UGT1A5: variants seen among roughly 807,000 people sequenced by gnomAD.
The protein encoded by UGT1A5 is UDP-glucuronosyltransferase 1A5.
In UGT1A5, 29 loss-of-function variants were observed where a neutral mutation model predicts 40.3. The ratio of observed to expected loss-of-function variants is 0.72; its 90% CI spans 0.54 to 0.98. The LOEUF (loss-of-function observed/expected upper bound fraction) is 0.98. Ranked by LOEUF, UGT1A5 falls within the 50% of genes least tolerant of loss-of-function variation. The pLI is 0.00. For synonymous variants in UGT1A5, 257 were observed against 262.5 expected, an observed-to-expected ratio of 0.98 and a Z score of 0.20; for missense variants, 678 against 677.9, an observed-to-expected ratio of 1.00 and a Z score of 0.00.
chr2:233,767,983 AG>A (rs1699537799), intron 3 of UGT1A5, 47 bp downstream of exon 3: 1 of 1,614,082 alleles, frequency 6.2e-7, no homozygotes, highest in African/African-American at 1.3e-5. Context: ...GGTCAAATTA[AG>A]AAAATGGCTT....
chr2:233,770,182 A>T (rs778207496), intron 4 of UGT1A5: 1 of 152,262 alleles, frequency 6.6e-6, no homozygotes, highest in Non-Finnish European at 1.5e-5. Flanking sequence ...CAACTTATTA[A>T]CTAACTTTCA....
chr2:233,719,821 T>G (rs2076806401), intron 1 of UGT1A5: 5 of 1,570,050 alleles, frequency 3.2e-6, no homozygotes, highest in Middle Eastern at 4.6e-4. Flanking sequence ...ACAGATAAAC[T>G]GTTGAGGGGC....
Position 233,725,768 on chromosome 2 carries a change from T to C in UGT1A5, c.867+11910T>C, listed in dbSNP as rs1448370166. Among the ~76,000 whole-genome samples, 5 of 152,306 alleles carry C rather than the reference T, an allele frequency of 3.3e-5. No individual in the cohort carries two copies. The South Asian group carries it at 1.0e-3, about 32-fold the overall frequency. ...GTAAGAGACTTACATTTTCTTCACATAGTTTGTTGTTATCATTAAATAATA... is the reference window on the plus strand; with the variant it reads ...GTAAGAGACTTACATTTTCTTCACACAGTTTGTTGTTATCATTAAATAATA... On this transcript the variant is annotated intron_variant, in intron 1 of 4. Coordinates refer to ENST00000373414, the MANE Select transcript of UGT1A5 (RefSeq NM_019078.2).
rs144217005 is a variant in UGT1A5 at position 233,760,613 on chromosome 2, T to C, written c.868-6421T>C. The C allele has an allele frequency of 1.5e-4, 247 of 1,614,256 alleles. No individual in the cohort carries two copies. In the African/African-American group the frequency reaches 3.0e-3, roughly 20 times the overall value. On this transcript the variant is annotated intron_variant, in intron 1 of 4. Transcript: ENST00000373414. The stretch of plus-strand genomic sequence containing the variant: ...GAGAATGATTCTTTCCTGCAGCGTG[T>C]GATCAAAACATACAAGAAAATAAAA...
Position 233,729,252 on chromosome 2 carries a change from C to T in UGT1A5, c.867+15394C>T, listed in dbSNP as rs1553613077. ...TGCCCATTGATGGCAGCCACTGGCT[C>T]AGCATGCGGGAGGTCTTGCGGGAGC... On this transcript the variant is annotated intron_variant, in intron 1 of 4. Coordinates refer to ENST00000373414, the MANE Select transcript of UGT1A5 (RefSeq NM_019078.2). 65 of 1,614,244 alleles carry T rather than the reference C, an allele frequency of 4.0e-5. 3 individuals carry two copies. The South Asian group carries it at 6.7e-4, about 17-fold the overall frequency.
Position 233,713,643 on chromosome 2 carries a change from C to G in UGT1A5, c.652C>G (p.Leu218Val), listed in dbSNP as rs149715967. Residue 218 changes from leucine to valine, a missense_variant, in exon 1 of 5, where the codon CTG becomes GTG. By Grantham distance (32) the Leu-to-Val change is conservative. Transcript: ENST00000373414. ...LQRVKNMLYP[L>V]ALSYLCHAVS... ...AAGGGTCAAGAACATGCTCTACCCTCTGGCCCTGTCCTACCTTTGCCATGC... is the reference window on the plus strand; with the variant it reads ...AAGGGTCAAGAACATGCTCTACCCTGTGGCCCTGTCCTACCTTTGCCATGC... 717 of 1,613,992 alleles carry G rather than the reference C, an allele frequency of 4.4e-4. 2 individuals are homozygous for G. The highest frequency in any genetic ancestry group is 1.7e-3 in the South Asian group (154 of 91,058).
intron 1 of UGT1A5, among the ~76,000 whole-genome samples, chr2:233,744,367 A>T (rs2125862571): frequency 6.6e-6 from 1 of 151,892 alleles, no homozygotes; most frequent in Non-Finnish European, 1.5e-5. Flanking sequence ...GTTGTTTAGG[A>T]CTGCAGTTCT....
chr2:233,716,179 G>A (rs1395274719), intron 1 of UGT1A5, among the ~76,000 whole-genome samples: 1 of 152,128 alleles, frequency 6.6e-6, no homozygotes, highest in Non-Finnish European at 1.5e-5. Flanking sequence ...GCATCTTCAA[G>A]TCTCTAATTC....
At chr2:233,749,145 C>G (rs1694125909) in intron 1 of UGT1A5, among the ~76,000 whole-genome samples, 1 of 151,818 alleles carries the variant, frequency 6.6e-6, no homozygotes, top group Non-Finnish European at 1.5e-5. Context: ...TATGAACTTC[C>G]ATGACTTGAT....
Position 233,756,099 on chromosome 2 carries a change from C to T in UGT1A5, c.868-10935C>T, listed in dbSNP as rs117664856. ...ATGAGAAAATCAAGTAACATTATTACGGAAATAGTTTTGACTTTGTAAAAT... is the reference window on the plus strand; with the variant it reads ...ATGAGAAAATCAAGTAACATTATTATGGAAATAGTTTTGACTTTGTAAAAT... On this transcript the variant is annotated intron_variant, in intron 1 of 4. Coordinates refer to ENST00000373414, the MANE Select transcript of UGT1A5 (RefSeq NM_019078.2). 23 of 152,310 alleles carry T rather than the reference C, an allele frequency of 1.5e-4. 1 individual carries two copies. In the East Asian group the frequency reaches 4.0e-3, roughly 27 times the overall value. 9.4% of individuals were successfully genotyped at this position (152,310 alleles called of 1,614,324 possible). A position where few individuals can be genotyped will look rare whatever the true frequency, so the allele number is the denominator to read the frequency against.
At chr2:233,745,089 C>G (rs542765504) in intron 1 of UGT1A5, among the ~76,000 whole-genome samples, 1 of 151,738 alleles carries the variant, frequency 6.6e-6, no homozygotes, top group Admixed American at 6.5e-5. Flanking sequence ...ATTGCTCTTC[C>G]CCCCAAATAT....
chr2:233,739,615 T>G (rs1449918072), intron 1 of UGT1A5, among the ~76,000 whole-genome samples: 1 of 152,228 alleles, frequency 6.6e-6, no homozygotes, highest in Non-Finnish European at 1.5e-5. Context: ...TTGGCCAGTT[T>G]CTCCCATTTG....
At chr2:233,743,553 T>TA in intron 1 of UGT1A5, 1 of 1,367,178 alleles carries the variant, frequency 7.3e-7, no homozygotes, top group Non-Finnish European at 9.8e-7. Context: ...CCCCCCAAAA[T>TA]ATTCTCCAGC....
At chr2:233,748,049 C>CAA (rs1416676194) in intron 1 of UGT1A5, 1 of 1,613,268 alleles carries the variant, frequency 6.2e-7, no homozygotes, top group African/African-American at 1.3e-5. Flanking sequence ...TTGGGGGCAT[C>CAA]AACTGTGCCA....
At chr2:233,754,017 T>C (rs1254861079) in intron 1 of UGT1A5, among the ~76,000 whole-genome samples, 1 of 152,250 alleles carries the variant, frequency 6.6e-6, no homozygotes, top group African/African-American at 2.4e-5. Flanking sequence ...ACAGCCATGA[T>C]AGGAAACGAA....
At chr2:233,722,579 C>T (rs1172017514) in intron 1 of UGT1A5, among the ~76,000 whole-genome samples, 1 of 152,116 alleles carries the variant, frequency 6.6e-6, no homozygotes, top group Non-Finnish European at 1.5e-5. Context: ...TTTGCAACTT[C>T]GTTAGAGGAC....
At chr2:233,755,919 G>T (rs1439576672) in intron 1 of UGT1A5, 1 of 148,990 alleles carries the variant, frequency 6.7e-6, no homozygotes, top group Non-Finnish European at 1.5e-5. Context: ...GAGAAGAGTG[G>T]CATCGTTTTA....
intron 1 of UGT1A5, among the ~76,000 whole-genome samples, chr2:233,766,453 G>C (rs1699157656): frequency 6.6e-6 from 1 of 152,214 alleles, no homozygotes; most frequent in Non-Finnish European, 1.5e-5. Context: ...TGCCTGCTAG[G>C]GTCTTGGGGT....
At chr2:233,721,300 TA>T in intron 1 of UGT1A5, among the ~76,000 whole-genome samples, 1 of 152,206 alleles carries the variant, frequency 6.6e-6, no homozygotes, top group Non-Finnish European at 1.5e-5. Flanking sequence ...GGCATTTGAA[TA>T]GTGATTGTGG....
Sources: gnomAD v4.1 joint callset for allele counts (sites outside exome capture counted in the v4.1 genomes callset) on GRCh38, gnomAD v4.1.1 for gene constraint, MANE v1.5 for transcripts, NCBI Gene and HGNC (gene_info 2026-07-23, HGNC 2026-07-21) for gene names.